The following ACSBG1 variants were observed in gnomAD, a reference collection of about 807,000 sequenced individuals.
The protein encoded by ACSBG1 is acyl-CoA synthetase bubblegum family member 1, also known as long-chain-fatty-acid--CoA ligase ACSBG1.
In ACSBG1, 39 loss-of-function variants were observed where a neutral mutation model predicts 80.2. The observed-to-expected ratio is 0.49, with a 90% CI of 0.38 to 0.64. The LOEUF is 0.64. Ranked by LOEUF, ACSBG1 falls within the 30% of genes least tolerant of loss-of-function variation. The probability of loss-of-function intolerance (pLI) is 0.00; values close to 1 mark genes in which losing one functional copy is unlikely to be tolerated. For missense variants in ACSBG1, 828 were observed against 966.4 expected (o/e 0.86, Z 1.90); for synonymous variants, 392 against 379.5 (o/e 1.03, Z -0.38).
intron 1 of ACSBG1, among the ~76,000 whole-genome samples, chr15:78,216,691 T>A (rs1325227884): frequency 6.6e-6 from 1 of 152,004 alleles, no homozygotes; most frequent in African/African-American, 2.4e-5. Flanking sequence ...AAAGGAAGTG[T>A]GTTTGCTGAG....
intron 2 of ACSBG1, 85 bp from the exon 3 acceptor site, chr15:78,194,811 G>A (rs1307421091): frequency 5.0e-6 from 7 of 1,396,136 alleles, no homozygotes; most frequent in Non-Finnish European, 6.9e-6. Flanking sequence ...AGCCCGTCTG[G>A]TGCTGACAAT....
intron 8 of ACSBG1, 132 bp from the exon 9 acceptor site, chr15:78,181,068 G>A: frequency 3.6e-6 from 3 of 831,202 alleles, no homozygotes; most frequent in Non-Finnish European, 5.0e-6. Flanking sequence ...GCACGCAAGG[G>A]TGGCACATAC....
In ACSBG1 at chr15:78,178,743, T is replaced by C. The variant is rs2074909530; in HGVS notation, c.1573A>G (p.Ile525Val). 1 of 1,614,156 alleles carries C rather than the reference T, an allele frequency of 6.2e-7. No homozygotes were observed. The highest frequency in any genetic ancestry group is 8.5e-7 in the Non-Finnish European group (1 of 1,180,042). Residue 525 changes from isoleucine to valine, a missense_variant, in exon 11 of 14, where the codon ATA becomes GTA. Around this residue, in one of 3 missense-constraint regions of ACSBG1, gnomAD observed 271 missense variants for 375.9 expected, o/e 0.72. Coordinates refer to ENST00000258873, the MANE Select transcript of ACSBG1 (RefSeq NM_015162.5). This position sits in a 1 kb window ranked among gnomAD's most constrained non-coding sequence, Gnocchi z 4.3. ...IGEICLWGRTIFMGYLNMEDK... is the reference protein window; with the variant it reads ...IGEICLWGRTVFMGYLNMEDK... Reference sequence around the variant, plus strand: ...TCCATGTTCAGGTAGCCCATGAATATGGTGCGGCCCCACAGGCAGATCTCG... The same window carrying C: ...TCCATGTTCAGGTAGCCCATGAATACGGTGCGGCCCCACAGGCAGATCTCG...
intron 7 of ACSBG1, 41 bp from the exon 8 acceptor site, chr15:78,182,186 C>T: frequency 6.3e-7 from 1 of 1,589,854 alleles, no homozygotes; most frequent in Non-Finnish European, 8.5e-7. Flanking sequence ...GTCCACAAGC[C>T]AGCCCTGGCG....
intron 12 of ACSBG1, among the ~76,000 whole-genome samples, 162 bp downstream of exon 12, chr15:78,174,223 G>T (rs542941697): frequency 6.6e-6 from 1 of 152,172 alleles, no homozygotes; most frequent in Non-Finnish European, 1.5e-5. Context: ...GAATTTCCAC[G>T]TGCCACAGTT....
chr15:78,179,375 G>C (rs1389772837), intron 10 of ACSBG1, among the ~76,000 whole-genome samples, 175 bp downstream of exon 10: 1 of 152,204 alleles, frequency 6.6e-6, no homozygotes, highest in Non-Finnish European at 1.5e-5. Context: ...ATAAGCTAGG[G>C]ACTTGGCCCA....
At chr15:78,198,510 C>G (rs528237636) in intron 2 of ACSBG1, among the ~76,000 whole-genome samples, 1 of 151,654 alleles carries the variant, frequency 6.6e-6, no homozygotes, top group Non-Finnish European at 1.5e-5. Context: ...CCATGCCTGG[C>G]TAATTTTTGC....
At chr15:78,225,623 G>A (rs1394994177) in intron 1 of ACSBG1, among the ~76,000 whole-genome samples, 1 of 151,684 alleles carries the variant, frequency 6.6e-6, no homozygotes, top group Non-Finnish European at 1.5e-5. Context: ...CACCCAATTT[G>A]AAATATAGAG....
intron 1 of ACSBG1, among the ~76,000 whole-genome samples, chr15:78,215,634 C>T (rs1300943601): frequency 6.8e-6 from 1 of 146,816 alleles, no homozygotes; most frequent in Non-Finnish European, 1.5e-5. Flanking sequence ...CCAGCCTGGG[C>T]AACAAGAGCA....
In ACSBG1 at chr15:78,178,014, G is replaced by A; in HGVS notation, c.1702+600C>T. Among the ~76,000 whole-genome samples the A allele has an allele frequency of 6.6e-6, 1 of 152,166 alleles. No individual in the cohort carries two copies. The highest frequency in any genetic ancestry group is 1.9e-4 in the East Asian group (1 of 5,204). On this transcript the variant is annotated intron_variant, in intron 11 of 13. Transcript: ENST00000258873. The surrounding 1 kb of genome is among the most constrained non-coding windows in gnomAD (Gnocchi z 4.3). Reference sequence around the variant, plus strand: ...TAATACTTACGCTCCTGAATCTTCTGGAAAGACTTGCCTTGTTTCTCTAGG... The same window carrying A: ...TAATACTTACGCTCCTGAATCTTCTAGAAAGACTTGCCTTGTTTCTCTAGG...
chr15:78,214,450 T>G (rs979129039), intron 1 of ACSBG1, among the ~76,000 whole-genome samples: 1 of 152,178 alleles, frequency 6.6e-6, no homozygotes, highest in African/African-American at 2.4e-5. Flanking sequence ...TTATTATTAT[T>G]ATCTTTTGAG....
intron 3 of ACSBG1, 37 bp from the exon 4 acceptor site, chr15:78,194,057 C>CAG: frequency 6.2e-7 from 1 of 1,604,924 alleles, no homozygotes; most frequent in East Asian, 2.2e-5. Flanking sequence ...GTCAGCCGGG[C>CAG]AGGGACTGGG....
In ACSBG1 at chr15:78,169,247, T is replaced by C. The variant is rs943315642; in HGVS notation, c.*2197A>G. 6.2e-6 allele frequency: 2 copies of C among 321,332 alleles called. No homozygotes were observed. Among genetic ancestry groups the C allele is most frequent in the African/African-American group, 4.3e-5 (2 of 46,944 alleles). 19.9% of individuals were successfully genotyped at this position (321,332 alleles called of 1,614,324 possible). On this transcript the variant is annotated 3_prime_UTR_variant, in exon 14 of 14. Coordinates refer to ENST00000258873, the MANE Select transcript of ACSBG1 (RefSeq NM_015162.5). The stretch of plus-strand genomic sequence containing the variant: ...AGTGTCTACCTGGTAAATGTTTTTT[T>C]TGTAAACTCTGAGTGGACTGTATCA...
At chr15:78,230,213 C>T (rs1431251798) in intron 1 of ACSBG1, among the ~76,000 whole-genome samples, 1 of 152,222 alleles carries the variant, frequency 6.6e-6, no homozygotes, top group Non-Finnish European at 1.5e-5. Flanking sequence ...GCTGCCAGAG[C>T]AGGGCCAGTG....
intron 1 of ACSBG1, among the ~76,000 whole-genome samples, chr15:78,221,871 T>C (rs1445331768): frequency 3.9e-5 from 6 of 152,234 alleles, no homozygotes; most frequent in Admixed American, 3.9e-4. Context: ...TAAACCTTGA[T>C]TCAATAAAGC....
intron 1 of ACSBG1, among the ~76,000 whole-genome samples, chr15:78,224,339 T>C (rs945474748): frequency 6.6e-6 from 1 of 152,196 alleles, no homozygotes; most frequent in Non-Finnish European, 1.5e-5. Context: ...GTGACTGTTA[T>C]TGATTTAATG....
intron 1 of ACSBG1, among the ~76,000 whole-genome samples, chr15:78,231,199 C>T (rs1463876052): frequency 6.6e-6 from 1 of 152,158 alleles, no homozygotes; most frequent in Non-Finnish European, 1.5e-5. Flanking sequence ...CAGCTCACGG[C>T]AACCTCTGCC....
rs2074859375 is a variant in ACSBG1 at position 78,174,325 on chromosome 15, G to A, written c.1842+60C>T. 3.7e-6 allele frequency: 6 copies of A among 1,611,802 alleles called. No homozygotes were observed. In the East Asian group the frequency reaches 1.3e-4, roughly 36 times the overall value. ...CCTGTGCTGAATGTGGCTTCTGCCA[G>A]CCAGACCCACAGACCCCCTCACTGG... On this transcript the variant is annotated intron_variant, in intron 12 of 13. Coordinates refer to ENST00000258873, the MANE Select transcript of ACSBG1 (RefSeq NM_015162.5).
chr15:78,226,808 T>C (rs934604874), intron 1 of ACSBG1, among the ~76,000 whole-genome samples: 2 of 145,318 alleles, frequency 1.4e-5, no homozygotes, highest in African/African-American at 2.5e-5. Flanking sequence ...ATATAATATA[T>C]ATATATGACC....
Sources: gnomAD v4.1 joint callset for allele counts (sites outside exome capture counted in the v4.1 genomes callset) on GRCh38, gnomAD v4.1.1 for gene constraint, gnomAD v4.1.1 regional missense constraint, Gnocchi (gnomAD v3.1) non-coding constraint, MANE v1.5 for transcripts, NCBI Gene and HGNC (gene_info 2026-07-23, HGNC 2026-07-21) for gene names.